The following CTSF variants were observed in gnomAD, a reference collection of about 807,000 sequenced individuals.
CTSF encodes the protein cathepsin F.
Under a neutral mutation model 63.5 loss-of-function variants are expected in CTSF, and 65 were observed. That is an observed-to-expected ratio of 1.02 (90% CI 0.84 to 1.26). CTSF has a LOEUF of 1.26. CTSF is among the 50% of genes most tolerant of loss of function. The pLI, the probability that CTSF is intolerant of heterozygous loss-of-function variation, is 0.00. For synonymous variants in CTSF, 256 were observed against 258.1 expected, an observed-to-expected ratio of 0.99 and a Z score of 0.08; for missense variants, 641 against 631.0, an observed-to-expected ratio of 1.02 and a Z score of -0.17.
chr11:66,566,371 T>C lies in CTSF; in HGVS notation c.641A>G (p.Asn214Ser), dbSNP rs1857933030. 1.2e-6 allele frequency: 2 copies of C among 1,614,068 alleles called. No homozygotes were observed. The highest frequency in any genetic ancestry group is 1.7e-6 in the Non-Finnish European group (2 of 1,180,016). ...ARWRLSVFVN[N>S]MVRAQKIQAL... ...CTGGATCTTCTGTGCTCGCACCATG[T>C]TATTGACAAAGACGGACAGGCGCCA... Residue 214 changes from asparagine (N) to serine (S), a missense_variant, in exon 5 of 13, where the codon AAC becomes AGC. By Grantham distance (46) the Asn-to-Ser change is conservative. Transcript: ENST00000310325.
At chr11:66,567,371 G>A (rs780293872) in intron 3 of CTSF, 50 bp from the exon 4 acceptor site, 19 of 1,613,580 alleles carry the variant, frequency 1.2e-5, no homozygotes, top group Non-Finnish European at 1.5e-5. Flanking sequence ...CCACTCCAGA[G>A]GGAAGGGAGA....
chr11:66,566,235 G>C, intron 5 of CTSF, 56 bp downstream of exon 5: 1 of 1,613,828 alleles, frequency 6.2e-7, no homozygotes, highest in African/African-American at 1.3e-5. Context: ...CAGAGGCCTT[G>C]CGAGCAAGGT....
rs139443555 is a variant in CTSF, at chr11:66,567,913, T to C, written c.312+71A>G. On this transcript the variant is annotated intron_variant, in intron 2 of 12. Transcript: ENST00000310325. Reference sequence around the variant, plus strand: ...TACCTCAGATCCCTGCGTCTTGACCTGACCCGTCATCATCCAACTGCTGCT... The same window carrying C: ...TACCTCAGATCCCTGCGTCTTGACCCGACCCGTCATCATCCAACTGCTGCT... 3.3e-4 allele frequency: 504 copies of C among 1,518,092 alleles called. 1 individual carries two copies. In the African/African-American group the frequency reaches 6.2e-3, roughly 19 times the overall value. The allele number at this position is 1,518,092 out of a possible 1,614,324, so 94.0% of individuals were successfully genotyped here. A position where few individuals can be genotyped will look rare whatever the true frequency, so the allele number is the denominator to read the frequency against.
chr11:66,567,153 C>T, intron 4 of CTSF, 93 bp downstream of exon 4: 1 of 1,310,886 alleles, frequency 7.6e-7, no homozygotes. Context: ...GGTACACTGC[C>T]TCTTGTCTTT....
At chr11:66,565,034 A>T in intron 8 of CTSF, 28 bp from the exon 9 acceptor site, 2 of 1,525,534 alleles carry the variant, frequency 1.3e-6, no homozygotes, top group South Asian at 2.6e-5. Flanking sequence ...TGAGTAGAGA[A>T]GGGCAGGCTC....
rs1436984885 is a variant in CTSF, at chr11:66,563,520, G to A, written c.*413C>T. ...GAAAAGGGTGGTTACAAGTTTCCTGGACATGGAGAGGGACACTATCCCTAA... is the reference window on the plus strand; with the variant it reads ...GAAAAGGGTGGTTACAAGTTTCCTGAACATGGAGAGGGACACTATCCCTAA... On this transcript the variant is annotated 3_prime_UTR_variant, in exon 13 of 13. Transcript: ENST00000310325. 19 of 440,832 alleles carry A rather than the reference G, an allele frequency of 4.3e-5. No individual in the cohort carries two copies. The highest frequency in any genetic ancestry group is 6.5e-5 in the Non-Finnish European group (16 of 247,176). The allele number at this position is 440,832 out of a possible 1,614,324, so 27.3% of individuals were successfully genotyped here.
intron 4 of CTSF, 29 bp from the exon 5 acceptor site, chr11:66,566,433 G>C (rs1359450775): frequency 1.2e-6 from 2 of 1,607,356 alleles, no homozygotes; most frequent in Non-Finnish European, 1.7e-6. Context: ...AAGAGGAGGG[G>C]TTCGACCCCA....
Position 66,568,443 on chromosome 11 carries a change from G to A in CTSF, c.44C>T (p.Pro15Leu), listed in dbSNP as rs1329251705. Residue 15 changes from proline (P) to leucine (L), a missense_variant, in exon 1 of 13, where the codon CCG becomes CTG. By Grantham distance (98) the Pro-to-Leu change is moderately conservative. Coordinates refer to ENST00000310325, the MANE Select transcript of CTSF (RefSeq NM_003793.4). ...LQLLSLLGLL[P>L]GAVAAPAQPR... ...CTGGGCGGGGGCGGCCACTGCGCCC[G>A]GGAGCAGCCCCAGCAGCGACAGGAG... 4 of 1,387,180 alleles carry A rather than the reference G, an allele frequency of 2.9e-6. No homozygotes were observed. The highest frequency in any genetic ancestry group is 3.1e-5 in the East Asian group (1 of 32,614). The allele number at this position is 1,387,180 out of a possible 1,614,324, so 85.9% of individuals were successfully genotyped here. A position where few individuals can be genotyped will look rare whatever the true frequency, so the allele number is the denominator to read the frequency against.
rs1361187558 is a variant in CTSF, at chr11:66,565,830, C to T, written c.964+1G>A. 3 of 1,613,872 alleles carry T rather than the reference C, an allele frequency of 1.9e-6. No homozygotes were observed. The highest frequency in any genetic ancestry group is 4.5e-5 in the East Asian group (2 of 44,898). ...ACAGAGGAGTAGAGCGAGATGCTCA[C>T]CCTGTTCAGAGAGGGAGAGCAGGGT... On this transcript the variant is annotated splice_donor_variant, in intron 7 of 12. Transcript: ENST00000310325. LOFTEE classifies it high-confidence loss of function.
At chr11:66,566,570 G>A (rs563358293) in intron 4 of CTSF, among the ~76,000 whole-genome samples, 166 bp from the exon 5 acceptor site, 38 of 152,194 alleles carry the variant, frequency 2.5e-4, no homozygotes, top group Non-Finnish European at 3.7e-4. Flanking sequence ...CCAAACTGAA[G>A]TGATGACTTC....
At chr11:66,568,155 G>A (rs1229044862) in intron 1 of CTSF, 73 bp from the exon 2 acceptor site, 111 of 1,561,504 alleles carry the variant, frequency 7.1e-5, no homozygotes, top group Non-Finnish European at 2.9e-5. Context: ...GTGCGGCGCT[G>A]CCCATTCCCC....
rs1857986086 is a variant in CTSF at position 66,568,418 on chromosome 11, C to A, written c.69G>T (p.Gln23His). Reference protein sequence around the residue: ...LLPGAVAAPAQPRAASFQAWG... With the variant: ...LLPGAVAAPAHPRAASFQAWG... ...AGGCCTGAAAGCTGGCGGCTCGGGGCTGGGCGGGGGCGGCCACTGCGCCCG... is the reference window on the plus strand; with the variant it reads ...AGGCCTGAAAGCTGGCGGCTCGGGGATGGGCGGGGGCGGCCACTGCGCCCG... The change falls in exon 1 of 13, where the codon CAG becomes CAT. Residue 23 changes from glutamine (Q) to histidine (H), a missense_variant. Physicochemically the swap from Gln to His is conservative, Grantham distance 24. Coordinates refer to ENST00000310325, the MANE Select transcript of CTSF (RefSeq NM_003793.4). The A allele has an allele frequency of 3.0e-6, 4 of 1,352,068 alleles. No homozygotes were observed. The highest frequency in any genetic ancestry group is 3.8e-6 in the Non-Finnish European group (4 of 1,062,298). 83.8% of individuals were successfully genotyped at this position (1,352,068 alleles called of 1,614,324 possible).
Position 66,564,779 on chromosome 11 carries a change from C to T in CTSF, c.1193G>A (p.Gly398Asp), listed in dbSNP as rs1205611211. Residue 398 changes from glycine (G) to aspartate (D), a missense_variant, in exon 10 of 13, where the codon GGC becomes GAC. Coordinates refer to ENST00000310325, the MANE Select transcript of CTSF (RefSeq NM_003793.4). ...QKLAAWLAKRGPISVAINAFG... is the reference protein window; with the variant it reads ...QKLAAWLAKRDPISVAINAFG... ...GGCATTGATGGCCACGGAGATTGGGCCTCTCTTGGCCAGCCAGGCTGCCAG... is the reference window on the plus strand; with the variant it reads ...GGCATTGATGGCCACGGAGATTGGGTCTCTCTTGGCCAGCCAGGCTGCCAG... 1.2e-6 allele frequency: 2 copies of T among 1,614,024 alleles called. No homozygotes were observed. Among genetic ancestry groups the T allele is most frequent in the Non-Finnish European group, 8.5e-7 (1 of 1,180,022 alleles).
Position 66,568,352 on chromosome 11 carries a change from G to C in CTSF, c.135C>G (p.Phe45Leu), listed in dbSNP as rs956885637. The change falls in exon 1 of 13, where the codon TTC becomes TTG. Residue 45 changes from phenylalanine (F) to leucine (L), a missense_variant. Coordinates refer to ENST00000310325, the MANE Select transcript of CTSF (RefSeq NM_003793.4). ...GGCCGCGGTTGAACATCTCCAGCGC[G>C]AAGCGGGTGGGCGCCAGCAGCTCCG... Reference protein sequence around the residue: ...PSPELLAPTRFALEMFNRGRA... With the variant: ...PSPELLAPTRLALEMFNRGRA... The C allele has an allele frequency of 1.5e-6, 2 of 1,306,492 alleles. No individual in the cohort carries two copies. The highest frequency in any genetic ancestry group is 9.6e-7 in the Non-Finnish European group (1 of 1,036,490). The allele number at this position is 1,306,492 out of a possible 1,614,324, so 80.9% of individuals were successfully genotyped here. A position where few individuals can be genotyped will look rare whatever the true frequency, so the allele number is the denominator to read the frequency against.
Position 66,565,699 on chromosome 11 carries a change from G to A in CTSF, c.1017C>T (p.Ser339=), listed in dbSNP as rs1857912743. 1.2e-6 allele frequency: 2 copies of A among 1,613,596 alleles called. No individual in the cohort carries two copies. The highest frequency in any genetic ancestry group is 2.7e-5 in the African/African-American group (2 of 74,938). ...MDKACMGGLP[S]NAYSAIKNLG... ...AATTCTTTATGGCCGAGTAGGCATT[G>A]GAGGGCAAGCCGCCCATGCAGGCCT... The change falls in exon 8 of 13, where the codon TCC becomes TCT. Residue 339 remains serine, a synonymous_variant. Coordinates refer to ENST00000310325, the MANE Select transcript of CTSF (RefSeq NM_003793.4).
chr11:66,568,337 G>T lies in CTSF; in HGVS notation c.150C>A (p.Phe50Leu). ...GCGTCCCCGCAGCCCGGCCGCGGTT[G>T]AACATCTCCAGCGCGAAGCGGGTGG... ...LAPTRFALEMFNRGRAAGTRA... is the reference protein window; with the variant it reads ...LAPTRFALEMLNRGRAAGTRA... Residue 50 changes from phenylalanine (F) to leucine (L), a missense_variant, in exon 1 of 13, where the codon TTC becomes TTA. Coordinates refer to ENST00000310325, the MANE Select transcript of CTSF (RefSeq NM_003793.4). 7.6e-7 allele frequency: 1 copy of T among 1,312,286 alleles called. No individual in the cohort carries two copies. The highest frequency in any genetic ancestry group is 9.6e-7 in the Non-Finnish European group (1 of 1,040,484). 81.3% of individuals were successfully genotyped at this position (1,312,286 alleles called of 1,614,324 possible). A position where few individuals can be genotyped will look rare whatever the true frequency, so the allele number is the denominator to read the frequency against.
chr11:66,564,042 G>C, intron 12 of CTSF, 35 bp from the exon 13 acceptor site: 1 of 1,613,844 alleles, frequency 6.2e-7, no homozygotes, highest in Non-Finnish European at 8.5e-7. Context: ...GGGCACCAGG[G>C]TAGGATGGCG....
chr11:66,564,267 G>C (rs1169279173), intron 11 of CTSF, 121 bp from the exon 12 acceptor site: 2 of 1,303,670 alleles, frequency 1.5e-6, no homozygotes, highest in Non-Finnish European at 2.1e-6. Flanking sequence ...TAGGAAAAGA[G>C]CAGAAAGCGA....
At chr11:66,564,334 C>A in intron 11 of CTSF, 188 bp from the exon 12 acceptor site, 1 of 807,654 alleles carries the variant, frequency 1.2e-6, no homozygotes, top group Non-Finnish European at 1.9e-6. Context: ...AGCACGCACC[C>A]ACCCGCCTAT....
Sources: allele counts gnomAD v4.1 joint callset (sites outside exome capture counted in the v4.1 genomes callset), GRCh38; gene constraint gnomAD v4.1.1; transcripts MANE v1.5; gene names NCBI Gene and HGNC (gene_info 2026-07-23, HGNC 2026-07-21).